Variants in SH3RF3 observed in about 807,000 individuals in gnomAD.
SH3RF3 encodes the protein E3 ubiquitin-protein ligase SH3RF3.
SH3RF3 carries 29 observed loss-of-function variants against 66.3 expected under a neutral mutation model. That is an observed-to-expected ratio of 0.44 (90% CI 0.33 to 0.60). The LOEUF is 0.60. Ranked by LOEUF, SH3RF3 falls within the 20% of genes least tolerant of loss-of-function variation. SH3RF3 has a pLI of 0.04. For missense variants in SH3RF3, 1,194 were observed against 1,190.9 expected (o/e 1.00, Z -0.04); for synonymous variants, 583 against 532.0 (o/e 1.10, Z -1.32).
intron 1 of SH3RF3, among the ~76,000 whole-genome samples, chr2:109,278,662 G>C (rs563706187): frequency 6.6e-6 from 1 of 152,300 alleles, no homozygotes; most frequent in South Asian, 2.1e-4. Flanking sequence ...GCTTTGATTA[G>C]GTCCAGGTCT....
chr2:109,360,906 G>T (rs1260686255), intron 2 of SH3RF3, among the ~76,000 whole-genome samples: 1 of 152,118 alleles, frequency 6.6e-6, no homozygotes, highest in Non-Finnish European at 1.5e-5. Context: ...GATCTTAGTG[G>T]GAAAGTTTAA....
intron 1 of SH3RF3, among the ~76,000 whole-genome samples, chr2:109,324,599 G>T (rs1682104435): frequency 6.6e-6 from 1 of 152,212 alleles, no homozygotes; most frequent in African/African-American, 2.4e-5. Flanking sequence ...ACTAATATTT[G>T]CAAAGTGCTA....
intron 1 of SH3RF3, among the ~76,000 whole-genome samples, chr2:109,141,168 C>A (rs2104831335): frequency 6.6e-6 from 1 of 152,304 alleles, no homozygotes; most frequent in African/African-American, 2.4e-5. Context: ...TCTGCGGATT[C>A]CTCTCTTTTG....
intron 3 of SH3RF3, among the ~76,000 whole-genome samples, chr2:109,373,192 T>C (rs1252310435): frequency 2.6e-5 from 4 of 152,234 alleles, no homozygotes; most frequent in Non-Finnish European, 5.9e-5. Context: ...TATTTGCACA[T>C]TTGCTTTAGC....
At chr2:109,196,162 T>G (rs1394465137) in intron 1 of SH3RF3, among the ~76,000 whole-genome samples, 2 of 152,212 alleles carry the variant, frequency 1.3e-5, no homozygotes, top group East Asian at 3.9e-4. Context: ...ACATGGCTGG[T>G]TGGCCATGGC....
chr2:109,233,753 C>T (rs1679577691), intron 1 of SH3RF3, among the ~76,000 whole-genome samples: 1 of 152,220 alleles, frequency 6.6e-6, no homozygotes, highest in African/African-American at 2.4e-5. Flanking sequence ...CATCAGCTTT[C>T]TGTTCCTGCC....
At chr2:109,267,984 C>T (rs977989162) in intron 1 of SH3RF3, among the ~76,000 whole-genome samples, 5 of 151,840 alleles carry the variant, frequency 3.3e-5, no homozygotes, top group African/African-American at 7.2e-5. Flanking sequence ...TGCAGTTGTG[C>T]GGGTGAAACG....
chr2:109,269,010 G>A (rs551244844), intron 1 of SH3RF3, among the ~76,000 whole-genome samples: 2 of 152,328 alleles, frequency 1.3e-5, no homozygotes, highest in South Asian at 4.1e-4. Context: ...GACATGCCCA[G>A]GTGATGAGGC....
At chr2:109,468,344 C>T (rs1573276966) in intron 8 of SH3RF3, among the ~76,000 whole-genome samples, 1 of 152,292 alleles carries the variant, frequency 6.6e-6, no homozygotes, top group Non-Finnish European at 1.5e-5. Context: ...ATGCGTTGCA[C>T]TGTGATGTTA....
intron 1 of SH3RF3, among the ~76,000 whole-genome samples, chr2:109,318,099 G>A (rs566381867): frequency 1.3e-4 from 13 of 96,914 alleles, no homozygotes; most frequent in South Asian, 6.1e-4. Context: ...ATTTCAGTAC[G>A]CAAAAAAAAA....
At chr2:109,282,787 G>A (rs1430443598) in intron 1 of SH3RF3, among the ~76,000 whole-genome samples, 10 of 152,198 alleles carry the variant, frequency 6.6e-5, no homozygotes. Context: ...CTCACCAGGA[G>A]GTAGACCATG....
chr2:109,193,877 C>G (rs1442204144), intron 1 of SH3RF3, among the ~76,000 whole-genome samples: 1 of 152,212 alleles, frequency 6.6e-6, no homozygotes, highest in African/African-American at 2.4e-5. Context: ...CTGATAATCT[C>G]CGTTTACAGG....
chr2:109,182,585 A>G (rs1678096717), intron 1 of SH3RF3, among the ~76,000 whole-genome samples: 1 of 152,222 alleles, frequency 6.6e-6, no homozygotes. Flanking sequence ...GATATTTTGC[A>G]TTAATTGCAA....
chr2:109,316,865 C>T (rs1681897585), intron 1 of SH3RF3, among the ~76,000 whole-genome samples: 1 of 152,204 alleles, frequency 6.6e-6, no homozygotes, highest in African/African-American at 2.4e-5. Context: ...TGTAGTTCTG[C>T]GTTCTCCAGA....
intron 1 of SH3RF3, among the ~76,000 whole-genome samples, chr2:109,193,498 A>G (rs1456411201): frequency 6.6e-6 from 1 of 152,184 alleles, no homozygotes; most frequent in Non-Finnish European, 1.5e-5. Flanking sequence ...TATGAATGGA[A>G]TCATACAGTT....
chr2:109,335,081 G>GT (rs1232688431), intron 1 of SH3RF3, among the ~76,000 whole-genome samples: 2 of 152,202 alleles, frequency 1.3e-5, no homozygotes, highest in African/African-American at 4.8e-5. Context: ...GGATCATGGT[G>GT]GTCATACCAC....
intron 4 of SH3RF3, among the ~76,000 whole-genome samples, chr2:109,403,281 T>C (rs542104483): frequency 6.6e-6 from 1 of 152,300 alleles, no homozygotes; most frequent in African/African-American, 2.4e-5. Flanking sequence ...AGTTTGCCTG[T>C]CCCCCATCTC....
intron 9 of SH3RF3, among the ~76,000 whole-genome samples, chr2:109,500,986 A>C (rs1482358917): frequency 1.3e-5 from 2 of 152,230 alleles, no homozygotes; most frequent in African/African-American, 4.8e-5. Flanking sequence ...CAATGTTCCA[A>C]GTACCTTTCA....
In SH3RF3 at chr2:109,328,786, A is replaced by G. The variant is rs188506113; in HGVS notation, c.574-18888A>G. ...GTGTGAACCACAGTGGTTCATGACC[A>G]CTTTGGTGGCAGGAACATGAAAATA... On this transcript the variant is annotated intron_variant, in intron 1 of 9. Transcript: ENST00000309415. 5.2e-3 allele frequency among the ~76,000 whole-genome samples: 789 copies of G among 152,244 alleles called. 4 individuals are homozygous for G. The highest frequency in any genetic ancestry group is 0.014 in the Middle Eastern group (4 of 294).
Sources: gnomAD v4.1 joint callset for allele counts (sites outside exome capture counted in the v4.1 genomes callset) on GRCh38, gnomAD v4.1.1 for gene constraint, MANE v1.5 for transcripts, NCBI Gene and HGNC (gene_info 2026-07-23, HGNC 2026-07-21) for gene names.